Variants in SLC14A2 observed in about 807,000 individuals in gnomAD.
SLC14A2 encodes solute carrier family 14 member 2.
In SLC14A2, 91 loss-of-function variants were observed where a neutral mutation model predicts 104.6. The ratio of observed to expected loss-of-function variants is 0.87; its 90% CI spans 0.73 to 1.04. SLC14A2 has a LOEUF of 1.04. SLC14A2 is among the 50% of genes least tolerant of loss of function. SLC14A2 has a pLI of 0.00. For synonymous variants in SLC14A2, 476 were observed against 466.4 expected (o/e 1.02, Z -0.27); for missense variants, 1,189 against 1,156.0 (o/e 1.03, Z -0.41).
intron 2 of SLC14A2, among the ~76,000 whole-genome samples, chr18:45,516,429 A>G (rs1422716245): frequency 6.6e-6 from 1 of 152,130 alleles, no homozygotes; most frequent in East Asian, 1.9e-4. Flanking sequence ...CAGCTTTCTC[A>G]TTTGTAAAAG....
chr18:45,448,089 A>G (rs2086798927), intron 1 of SLC14A2, among the ~76,000 whole-genome samples: 1 of 152,244 alleles, frequency 6.6e-6, no homozygotes, highest in African/African-American at 2.4e-5. Context: ...AGCATACCTC[A>G]GCAATGAGTG....
In SLC14A2 at chr18:45,663,967, G is replaced by A. The variant is rs544894871; in HGVS notation, c.1474+60G>A. 3 of 1,516,096 alleles carry A rather than the reference G, an allele frequency of 2.0e-6. No individual in the cohort carries two copies. In the South Asian group the frequency reaches 3.8e-5, roughly 19 times the overall value. 93.9% of individuals were successfully genotyped at this position (1,516,096 alleles called of 1,614,324 possible). ...GCCTTCCTAGTCTCTAATAAAACAG[G>A]GACAATGGCAATACCTACTTCACAG... On this transcript the variant is annotated intron_variant, in intron 11 of 19. Coordinates refer to ENST00000255226, the MANE Select transcript of SLC14A2 (RefSeq NM_007163.4).
intron 2 of SLC14A2, among the ~76,000 whole-genome samples, chr18:45,580,850 C>G (rs1449340779): frequency 6.6e-6 from 1 of 152,100 alleles, no homozygotes; most frequent in African/African-American, 2.4e-5. Flanking sequence ...AGGGATTCAA[C>G]TTTAAGATGA....
chr18:45,419,149 G>A (rs2086311318), intron 1 of SLC14A2, among the ~76,000 whole-genome samples: 1 of 152,198 alleles, frequency 6.6e-6, no homozygotes, highest in African/African-American at 2.4e-5. Context: ...CTGCTATTAG[G>A]CCTGCTATTA....
At chr18:45,223,263 C>T (rs975314825) in intron 1 of SLC14A2, among the ~76,000 whole-genome samples, 1 of 152,048 alleles carries the variant, frequency 6.6e-6, no homozygotes, top group African/African-American at 2.4e-5. Context: ...ACAATCACTG[C>T]GTGTGAGAGG....
chr18:45,501,669 G>A (rs2043201193), intron 2 of SLC14A2, among the ~76,000 whole-genome samples: 1 of 152,188 alleles, frequency 6.6e-6, no homozygotes, highest in Non-Finnish European at 1.5e-5. Flanking sequence ...CCAGAACACA[G>A]TCAAGGTCCG....
the SLC14A2 span, among the ~76,000 whole-genome samples, chr18:45,169,431 C>T: frequency 6.6e-6 from 1 of 152,200 alleles, no homozygotes; most frequent in Non-Finnish European, 1.5e-5. Flanking sequence ...CCAGCTCTTA[C>T]TCAGTGCTTT....
At chr18:45,190,827 C>T in the SLC14A2 span, among the ~76,000 whole-genome samples, 1 of 152,130 alleles carries the variant, frequency 6.6e-6, no homozygotes, top group Non-Finnish European at 1.5e-5. Flanking sequence ...AAAACTAGCA[C>T]TCAGAGGTGG....
intron 1 of SLC14A2, among the ~76,000 whole-genome samples, chr18:45,474,756 A>G (rs922021523): frequency 2.0e-5 from 3 of 151,430 alleles, no homozygotes; most frequent in Admixed American, 6.6e-5. Context: ...TGTCTATTTG[A>G]TTCTTCTCTC....
intron 1 of SLC14A2, among the ~76,000 whole-genome samples, chr18:45,338,209 G>T (rs990855633): frequency 5.9e-5 from 9 of 151,858 alleles, no homozygotes; most frequent in African/African-American, 1.9e-4. Context: ...TTTGTTTTTT[G>T]ATTTTTTTTG....
chr18:45,393,836 A>G (rs770855751), intron 1 of SLC14A2, among the ~76,000 whole-genome samples: 1 of 152,180 alleles, frequency 6.6e-6, no homozygotes, highest in Non-Finnish European at 1.5e-5. Flanking sequence ...TGGGATATAC[A>G]TATGGGACTC....
chr18:45,412,456 C>T (rs1035005768), intron 1 of SLC14A2, among the ~76,000 whole-genome samples: 2 of 152,124 alleles, frequency 1.3e-5, no homozygotes, highest in Admixed American at 1.3e-4. Flanking sequence ...GCCAGGTTGG[C>T]TGATATTCTT....
chr18:45,648,113 T>A (rs2045653619), intron 10 of SLC14A2, among the ~76,000 whole-genome samples: 3 of 152,080 alleles, frequency 2.0e-5, no homozygotes, highest in African/African-American at 7.2e-5. Context: ...CCACATTGTT[T>A]GATGCCTATT....
intron 1 of SLC14A2, among the ~76,000 whole-genome samples, chr18:45,322,789 A>G (rs978845939): frequency 6.6e-5 from 10 of 152,194 alleles, no homozygotes; most frequent in African/African-American, 1.9e-4. Context: ...CTTGAAACCT[A>G]GATATGTGAC....
At chr18:45,293,154 G>A (rs1277642588) in intron 1 of SLC14A2, among the ~76,000 whole-genome samples, 1 of 152,144 alleles carries the variant, frequency 6.6e-6, no homozygotes, top group Admixed American at 6.5e-5. Context: ...CATTATTAGA[G>A]TAAGCAGAAA....
intron 1 of SLC14A2, among the ~76,000 whole-genome samples, chr18:45,475,756 A>G (rs1181297690): frequency 7.5e-6 from 1 of 132,580 alleles, no homozygotes; most frequent in Non-Finnish European, 1.6e-5. Context: ...GTCTTTTTTT[A>G]TCTTTGTTGG....
chr18:45,439,122 A>G (rs189072852), intron 1 of SLC14A2, among the ~76,000 whole-genome samples: 18 of 152,250 alleles, frequency 1.2e-4, no homozygotes, highest in African/African-American at 4.3e-4. Flanking sequence ...CCATCTCTAT[A>G]AAAATAAAAA....
At chr18:45,672,872 T>C (rs374921374) in intron 16 of SLC14A2, 28 bp from the exon 17 acceptor site, 97 of 1,599,540 alleles carry the variant, frequency 6.1e-5, no homozygotes, top group Non-Finnish European at 7.8e-5. Flanking sequence ...GCCTCCATAA[T>C]GAGCATGTAA....
chr18:45,623,572 C>T (rs548481720), intron 1 of SLC14A2, among the ~76,000 whole-genome samples: 1 of 152,290 alleles, frequency 6.6e-6, no homozygotes, highest in South Asian at 2.1e-4. Context: ...GAATTCCTCT[C>T]ATTAGGAGGA....
Sources: allele counts gnomAD v4.1 joint callset (sites outside exome capture counted in the v4.1 genomes callset), GRCh38; gene constraint gnomAD v4.1.1; transcripts MANE v1.5; gene names NCBI Gene and HGNC (gene_info 2026-07-23, HGNC 2026-07-21).